SGCZ: variants seen among roughly 807,000 people sequenced by gnomAD.
SGCZ encodes the protein zeta-sarcoglycan.
In SGCZ, 40 loss-of-function variants were observed where a neutral mutation model predicts 41.3. That is an observed-to-expected ratio of 0.97 (90% CI 0.75 to 1.26). SGCZ has a LOEUF of 1.26. SGCZ is among the 50% of genes most tolerant of loss of function. The probability of loss-of-function intolerance (pLI) is 0.00; values close to 1 mark genes in which losing one functional copy is unlikely to be tolerated. For missense variants in SGCZ, 552 were observed against 369.8 expected (o/e 1.49, Z -4.04); for synonymous variants, 206 against 137.5 (o/e 1.50, Z -3.49).
At chr8:14,092,051 C>T (rs1801704034) in intron 7 of SGCZ, among the ~76,000 whole-genome samples, 1 of 152,034 alleles carries the variant, frequency 6.6e-6, no homozygotes, top group African/African-American at 2.4e-5. Context: ...GCCAGTTTTC[C>T]CAACACCATT....
intron 1 of SGCZ, among the ~76,000 whole-genome samples, chr8:14,664,932 A>T (rs985408766): frequency 1.3e-5 from 2 of 152,268 alleles, no homozygotes; most frequent in East Asian, 3.9e-4. Context: ...TTTAGATACT[A>T]TCTCTAGCAC....
intron 4 of SGCZ, among the ~76,000 whole-genome samples, chr8:14,229,673 A>T (rs1806493020): frequency 1.3e-5 from 2 of 151,966 alleles, no homozygotes; most frequent in Admixed American, 6.6e-5. Context: ...AGAGTCAATT[A>T]AAAAAAACAT....
chr8:14,231,536 T>A (rs1003968385), intron 4 of SGCZ, among the ~76,000 whole-genome samples: 5 of 151,442 alleles, frequency 3.3e-5, no homozygotes, highest in African/African-American at 1.2e-4. Context: ...ACACACACCA[T>A]GTCTTGCAGT....
chr8:15,023,527 T>C (rs7388371), intron 1 of SGCZ, among the ~76,000 whole-genome samples: 147,204 of 152,236 alleles, frequency 0.97, 71,373 homozygotes, highest in East Asian at 1. Context: ...AAAGTATGGG[T>C]CTCAGTCCAC....
intron 2 of SGCZ, among the ~76,000 whole-genome samples, chr8:14,481,209 G>A (rs1801526598): frequency 1.3e-5 from 2 of 152,088 alleles, no homozygotes. Flanking sequence ...CTTAATTTTG[G>A]TAACCAGGGA....
At chr8:14,384,994 G>A (rs73664340) in intron 2 of SGCZ, among the ~76,000 whole-genome samples, 3 of 152,292 alleles carry the variant, frequency 2.0e-5, no homozygotes, top group African/African-American at 7.2e-5. Flanking sequence ...ATCTTGCTTG[G>A]GGAATGAAGA....
intron 2 of SGCZ, among the ~76,000 whole-genome samples, chr8:14,504,449 C>G (rs1429831528): frequency 6.6e-6 from 1 of 152,128 alleles, no homozygotes; most frequent in Non-Finnish European, 1.5e-5. Flanking sequence ...AGTCTAAAAC[C>G]TAGATATGCA....
intron 2 of SGCZ, among the ~76,000 whole-genome samples, chr8:14,497,747 C>T (rs889047268): frequency 1.3e-5 from 2 of 152,092 alleles, no homozygotes; most frequent in Non-Finnish European, 2.9e-5. Context: ...TGATCTAATA[C>T]CTCCCACTGG....
At chr8:14,095,455 A>C (rs889161467) in intron 7 of SGCZ, among the ~76,000 whole-genome samples, 14 of 150,708 alleles carry the variant, frequency 9.3e-5, no homozygotes, top group African/African-American at 3.4e-4. Context: ...GTTATTTCTG[A>C]GGCCGCTGTT....
chr8:15,013,271 G>C (rs534263342), intron 1 of SGCZ, among the ~76,000 whole-genome samples: 4 of 152,164 alleles, frequency 2.6e-5, no homozygotes, highest in Non-Finnish European at 4.4e-5. Flanking sequence ...TAAAATTCTT[G>C]CTATGAACCT....
chr8:15,182,924 T>C (rs1193097005), intron 1 of SGCZ, among the ~76,000 whole-genome samples: 1 of 152,218 alleles, frequency 6.6e-6, no homozygotes. Context: ...TTTAAAATTT[T>C]CAATATTAAT....
intron 1 of SGCZ, among the ~76,000 whole-genome samples, chr8:14,875,866 C>T (rs1384771526): frequency 6.6e-6 from 1 of 152,142 alleles, no homozygotes; most frequent in Non-Finnish European, 1.5e-5. Flanking sequence ...ATGGGGATAA[C>T]ATCACCCTAA....
chr8:14,931,900 A>G (rs1262658919), intron 1 of SGCZ, among the ~76,000 whole-genome samples: 1 of 151,946 alleles, frequency 6.6e-6, no homozygotes, highest in Non-Finnish European at 1.5e-5. Context: ...CACCTGAAAC[A>G]TTATCTTGAC....
At chr8:14,786,717 A>G (rs1411571749) in intron 1 of SGCZ, among the ~76,000 whole-genome samples, 1 of 152,138 alleles carries the variant, frequency 6.6e-6, no homozygotes, top group African/African-American at 2.4e-5. Context: ...AGAATTACAA[A>G]TATCTAAAGG....
intron 3 of SGCZ, among the ~76,000 whole-genome samples, chr8:14,315,716 C>T (rs1204234310): frequency 6.6e-6 from 1 of 151,558 alleles, no homozygotes; most frequent in Admixed American, 6.6e-5. Flanking sequence ...AAACAGAATA[C>T]TCAAGCATTC....
intron 1 of SGCZ, among the ~76,000 whole-genome samples, chr8:14,788,956 AAAT>A (rs1164501613): frequency 1.3e-5 from 2 of 152,222 alleles, no homozygotes; most frequent in Non-Finnish European, 2.9e-5. Flanking sequence ...ATAAAAAACT[AAAT>A]AATAATAATA....
At chr8:14,673,722 A>G (rs1422231617) in intron 1 of SGCZ, among the ~76,000 whole-genome samples, 1 of 152,238 alleles carries the variant, frequency 6.6e-6, no homozygotes. Context: ...GAACGAATAA[A>G]TGAACAAATT....
At chr8:14,527,931 G>A (rs748299169) in intron 2 of SGCZ, among the ~76,000 whole-genome samples, 1 of 152,008 alleles carries the variant, frequency 6.6e-6, no homozygotes, top group Admixed American at 6.6e-5. Context: ...GTAATACCAT[G>A]CAAAAACATA....
In SGCZ at chr8:14,625,391, C is replaced by T. The variant is rs1430662271; in HGVS notation, c.40-70465G>A. On this transcript the variant is annotated intron_variant, in intron 1 of 7. Transcript: ENST00000382080. ...AGAAGGAAAACAGACAAATTGTATT[C>T]TCACGTAACTTATGATCAAGACTGC... is the stretch of plus-strand genomic sequence containing the variant. Among the ~76,000 whole-genome samples the T allele has an allele frequency of 5.9e-5, 9 of 152,182 alleles. No individual in the cohort carries two copies. The East Asian group carries it at 1.4e-3, about 23-fold the overall frequency.
Sources: allele counts gnomAD v4.1 joint callset (sites outside exome capture counted in the v4.1 genomes callset), GRCh38; gene constraint gnomAD v4.1.1; transcripts MANE v1.5; gene names NCBI Gene and HGNC (gene_info 2026-07-23, HGNC 2026-07-21).